ZNF407: variants seen among roughly 807,000 people sequenced by gnomAD.
ZNF407 encodes zinc finger protein 407.
ZNF407 carries 17 observed loss-of-function variants against 131.2 expected under a neutral mutation model. That is an observed-to-expected ratio of 0.13 (90% CI 0.09 to 0.19). The LOEUF (loss-of-function observed/expected upper bound fraction) is 0.19. ZNF407 is among the 10% of genes least tolerant of loss of function. ZNF407 has a pLI of 1.00. For synonymous variants in ZNF407, 1,156 were observed against 1,062.0 expected, an observed-to-expected ratio of 1.09 and a Z score of -1.72; for missense variants, 2,681 against 2,830.6, an observed-to-expected ratio of 0.95 and a Z score of 1.20.
intron 8 of ZNF407, among the ~76,000 whole-genome samples, chr18:74,978,647 G>A (rs1269760808): frequency 1.3e-5 from 2 of 151,558 alleles, no homozygotes; most frequent in Non-Finnish European, 2.9e-5. Context: ...ATCCTAGATT[G>A]AGAAAGGAGG....
chr18:74,803,988 C>A, intron 4 of ZNF407: 1 of 1,551,718 alleles, frequency 6.4e-7, no homozygotes, highest in South Asian at 1.2e-5. Context: ...ATCGAAAGAT[C>A]GGGACGTTGC....
intron 3 of ZNF407, among the ~76,000 whole-genome samples, chr18:74,777,420 G>T (rs538258050): frequency 6.6e-6 from 1 of 152,254 alleles, no homozygotes; most frequent in African/African-American, 2.4e-5. Context: ...AGCAAGAGCA[G>T]TTCTAGCATG....
At chr18:74,742,246 T>C (rs963321669) in intron 3 of ZNF407, among the ~76,000 whole-genome samples, 4 of 152,166 alleles carry the variant, frequency 2.6e-5, no homozygotes, top group Admixed American at 6.5e-5. Flanking sequence ...TAAGGGAGTC[T>C]TGTCTTTCCC....
intron 8 of ZNF407, among the ~76,000 whole-genome samples, chr18:74,967,049 C>G (rs1331349776): frequency 6.6e-6 from 1 of 152,066 alleles, no homozygotes; most frequent in Non-Finnish European, 1.5e-5. Flanking sequence ...TCACTTGAGC[C>G]CAGGAGTTTG....
In ZNF407 at chr18:74,632,813, G is replaced by A; in HGVS notation, c.1794G>A (p.Leu598=). Residue 598 remains leucine, a synonymous_variant, in exon 2 of 9, where the codon TTG becomes TTA. Transcript: ENST00000299687. ...GTCAGTGTTGTTCATTTATATCCTT[G>A]GATGAAATAAATCTTAGAGACCACA... is the stretch of plus-strand genomic sequence containing the variant. ...LSCQCCSFIS[L]DEINLRDHMK... The A allele has an allele frequency of 6.2e-7, 1 of 1,613,804 alleles. No homozygotes were observed. The highest frequency in any genetic ancestry group is 8.5e-7 in the Non-Finnish European group (1 of 1,179,872).
At chr18:75,020,428 A>G (rs747771789) in intron 8 of ZNF407, among the ~76,000 whole-genome samples, 6 of 152,114 alleles carry the variant, frequency 3.9e-5, no homozygotes, top group Non-Finnish European at 8.8e-5. Flanking sequence ...AGGGCACTAC[A>G]ATGTGAAACT....
intron 3 of ZNF407, among the ~76,000 whole-genome samples, chr18:74,743,629 G>A (rs564388181): frequency 6.7e-4 from 101 of 151,796 alleles, no homozygotes; most frequent in Non-Finnish European, 1.2e-3. Flanking sequence ...TTCCCTAATT[G>A]GTATTCATAC....
At chr18:74,664,145 T>G (rs1599051149) in intron 3 of ZNF407, among the ~76,000 whole-genome samples, 1 of 152,170 alleles carries the variant, frequency 6.6e-6, no homozygotes, top group Non-Finnish European at 1.5e-5. Flanking sequence ...GGCTATACAC[T>G]GCGTCTGTTC....
In ZNF407 at chr18:74,730,779, A is replaced by T. The variant is rs542063167; in HGVS notation, c.4803-50649A>T. 1.2e-4 allele frequency among the ~76,000 whole-genome samples: 19 copies of T among 152,308 alleles called. No individual in the cohort carries two copies. In the Middle Eastern group the frequency reaches 0.014, roughly 109 times the overall value. The stretch of plus-strand genomic sequence containing the variant: ...TGGCTATAGGATTATAGAAAGAATG[A>T]TGTATTATATAAAAAGCTTTTCCAA... On this transcript the variant is annotated intron_variant, in intron 3 of 8. Transcript: ENST00000299687.
At chr18:74,841,819 C>T (rs1470308151) in intron 4 of ZNF407, among the ~76,000 whole-genome samples, 2 of 152,206 alleles carry the variant, frequency 1.3e-5, no homozygotes, top group Non-Finnish European at 2.9e-5. Context: ...TAGGTTATCC[C>T]TAGACTCAAG....
intron 8 of ZNF407, among the ~76,000 whole-genome samples, chr18:75,029,923 T>C (rs1417662609): frequency 1.3e-5 from 2 of 152,212 alleles, no homozygotes; most frequent in African/African-American, 2.4e-5. Context: ...AGAAACGTTA[T>C]GAAGAACGTG....
chr18:74,692,790 C>T (rs537583168), intron 3 of ZNF407, among the ~76,000 whole-genome samples: 91 of 152,260 alleles, frequency 6.0e-4, no homozygotes, highest in African/African-American at 2.0e-3. Context: ...AGCTCTCCCC[C>T]AGAGACAGGT....
intron 3 of ZNF407, among the ~76,000 whole-genome samples, chr18:74,755,885 C>CTTT (rs34750560): frequency 0.066 from 1,693 of 25,832 alleles, 730 homozygotes; most frequent in Non-Finnish European, 0.073. Flanking sequence ...CTTTTCCTTC[C>CTTT]TTTTTTTTTT....
intron 4 of ZNF407, among the ~76,000 whole-genome samples, chr18:74,795,040 T>C (rs1969894182): frequency 1.3e-5 from 2 of 152,144 alleles, no homozygotes; most frequent in Non-Finnish European, 2.9e-5. Context: ...GATGAAATTT[T>C]CAGAAGTTAC....
chr18:74,672,634 ATTCATTGGAGCACTGTTCGTCTG>A (rs1219971400), intron 3 of ZNF407, among the ~76,000 whole-genome samples: 2 of 148,698 alleles, frequency 1.3e-5, no homozygotes, highest in African/African-American at 5.0e-5. Context: ...AGCACTGTTT[ATTCATTGGAGCACTGTTCGTCTG>A]TTCATTGGAG....
chr18:74,958,693 T>C (rs1396826618), intron 8 of ZNF407, among the ~76,000 whole-genome samples: 3 of 152,202 alleles, frequency 2.0e-5, no homozygotes, highest in Non-Finnish European at 4.4e-5. Context: ...CCCTCACTGA[T>C]GGTGTCATAT....
At chr18:74,970,233 A>T (rs773813543) in intron 8 of ZNF407, among the ~76,000 whole-genome samples, 23 of 151,610 alleles carry the variant, frequency 1.5e-4, no homozygotes, top group Admixed American at 3.9e-4. Context: ...TAAGATTTGG[A>T]TGGGGACACA....
chr18:74,683,938 C>A (rs77322345), intron 3 of ZNF407, among the ~76,000 whole-genome samples: 1 of 152,098 alleles, frequency 6.6e-6, no homozygotes, highest in Non-Finnish European at 1.5e-5. Flanking sequence ...AAATAATTTT[C>A]TGTTCAATTT....
intron 1 of ZNF407, among the ~76,000 whole-genome samples, chr18:74,622,735 TCTG>T (rs1983572076): frequency 2.0e-4 from 1 of 5,094 alleles, no homozygotes; most frequent in African/African-American, 3.6e-4. Flanking sequence ...GTGGTGTGTG[TCTG>T]TGAGTGTGTG....
Sources: gnomAD v4.1 joint callset for allele counts (sites outside exome capture counted in the v4.1 genomes callset) on GRCh38, gnomAD v4.1.1 for gene constraint, MANE v1.5 for transcripts, NCBI Gene and HGNC (gene_info 2026-07-23, HGNC 2026-07-21) for gene names.